The following RBFOX1 variants were observed in gnomAD, a reference collection of about 807,000 sequenced individuals.
RBFOX1 encodes RNA binding protein fox-1 homolog 1.
Under a neutral mutation model 57.7 loss-of-function variants are expected in RBFOX1, and 8 were observed. The observed-to-expected ratio is 0.14, with a 90% CI of 0.08 to 0.25. RBFOX1 has a LOEUF of 0.25. Ranked by LOEUF, RBFOX1 falls within the 10% of genes least tolerant of loss-of-function variation. The probability of loss-of-function intolerance (pLI) is 1.00; values close to 1 mark genes in which losing one functional copy is unlikely to be tolerated. For synonymous variants in RBFOX1, 326 were observed against 222.4 expected, an observed-to-expected ratio of 1.47 and a Z score of -4.15; for missense variants, 611 against 548.5, an observed-to-expected ratio of 1.11 and a Z score of -1.14.
intron 3 of RBFOX1, among the ~76,000 whole-genome samples, chr16:6,681,640 A>G (rs1441052877): frequency 1.3e-5 from 2 of 149,302 alleles, no homozygotes; most frequent in South Asian, 2.2e-4. Context: ...TATAATCACA[A>G]TTGCCCCCCT....
At chr16:6,170,314 G>C (rs1336649539) in intron 1 of RBFOX1, among the ~76,000 whole-genome samples, 5 of 152,058 alleles carry the variant, frequency 3.3e-5, no homozygotes, top group South Asian at 2.1e-4. Flanking sequence ...TAAGTCCTAC[G>C]AGACCCTGGT....
intron 1 of RBFOX1, among the ~76,000 whole-genome samples, chr16:6,127,432 C>G (rs967311678): frequency 1.3e-5 from 2 of 152,008 alleles, no homozygotes; most frequent in East Asian, 1.9e-4. Flanking sequence ...CATTATATGC[C>G]AAGCCCTGAC....
At chr16:7,082,221 T>C (rs1206247209) in intron 4 of RBFOX1, among the ~76,000 whole-genome samples, 1 of 152,174 alleles carries the variant, frequency 6.6e-6, no homozygotes, top group Non-Finnish European at 1.5e-5. Flanking sequence ...AGGATGAATC[T>C]ACCTTCTCAG....
chr16:6,815,292 T>G (rs1235731004), intron 3 of RBFOX1, among the ~76,000 whole-genome samples: 1 of 152,136 alleles, frequency 6.6e-6, no homozygotes, highest in Admixed American at 6.5e-5. Flanking sequence ...TGCCACTTGC[T>G]ATTTTATTTT....
chr16:7,120,264 A>G (rs982824047), intron 4 of RBFOX1, among the ~76,000 whole-genome samples: 1 of 149,226 alleles, frequency 6.7e-6, no homozygotes, highest in Non-Finnish European at 1.5e-5. Flanking sequence ...ATGTAAGTGC[A>G]TATCATAAGA....
intron 1 of RBFOX1, among the ~76,000 whole-genome samples, chr16:5,303,277 A>T (rs1275467511): frequency 1.3e-5 from 2 of 152,146 alleles, no homozygotes; most frequent in Non-Finnish European, 2.9e-5. Flanking sequence ...TATTATCCCT[A>T]TTCTCCCTGG....
intron 3 of RBFOX1, among the ~76,000 whole-genome samples, chr16:6,668,083 TTA>T (rs2098743552): frequency 6.6e-6 from 1 of 152,160 alleles, no homozygotes; most frequent in Non-Finnish European, 1.5e-5. Flanking sequence ...AAACCCTCAA[TTA>T]CCTGTCTAGA....
At chr16:5,543,765 A>G (rs1267459698) in intron 2 of RBFOX1, among the ~76,000 whole-genome samples, 1 of 152,172 alleles carries the variant, frequency 6.6e-6, no homozygotes, top group African/African-American at 2.4e-5. Context: ...AGTGATATAA[A>G]AACTTAAAAG....
intron 2 of RBFOX1, among the ~76,000 whole-genome samples, chr16:6,431,882 ATGCTTGCTTGCT>A (rs530288649): frequency 1.5e-4 from 19 of 126,556 alleles, no homozygotes; most frequent in East Asian, 5.1e-4. Context: ...GTCCAGAAAT[ATGCTTGCTTGCT>A]TGCTTTCTTT....
At chr16:7,162,267 C>G (rs1011714050) in intron 4 of RBFOX1, among the ~76,000 whole-genome samples, 1 of 152,222 alleles carries the variant, frequency 6.6e-6, no homozygotes, top group East Asian at 1.9e-4. Flanking sequence ...CTTATATTTC[C>G]TCTCTCTCCA....
At position 7,567,946 on chromosome 16, in the gene RBFOX1, TA is replaced by T. The variant is rs2092299160; in HGVS notation, c.271-11830del. On this transcript the variant is annotated intron_variant, in intron 5 of 15. Transcript: ENST00000550418. Reference sequence around the variant, plus strand: ...ATGGATACCTAAAATTAAAGCTGGATATTTTTTACAGTATTGCCCAAGAAAA... The same window carrying T: ...ATGGATACCTAAAATTAAAGCTGGATTTTTTTACAGTATTGCCCAAGAAAA... 4.6e-5 allele frequency among the ~76,000 whole-genome samples: 7 copies of T among 151,540 alleles called. No homozygotes were observed. In the South Asian group the frequency reaches 1.5e-3, roughly 32 times the overall value.
intron 1 of RBFOX1, among the ~76,000 whole-genome samples, chr16:6,263,543 T>C (rs1445990519): frequency 2.6e-5 from 4 of 152,154 alleles, no homozygotes; most frequent in Non-Finnish European, 5.9e-5. Context: ...CCAATCTGTC[T>C]TCCATTCTGA....
At chr16:6,518,544 C>T (rs1015397747) in intron 2 of RBFOX1, among the ~76,000 whole-genome samples, 1 of 151,860 alleles carries the variant, frequency 6.6e-6, no homozygotes, top group African/African-American at 2.4e-5. Flanking sequence ...AGTTCAAAAT[C>T]ATGCTCTGGC....
At chr16:5,955,367 AAAAT>A (rs2059614494) in intron 4 of RBFOX1, among the ~76,000 whole-genome samples, 4 of 42,528 alleles carry the variant, frequency 9.4e-5, no homozygotes, top group South Asian at 6.4e-4. Context: ...AAAATAAAAT[AAAAT>A]AAAATAAAAT....
At chr16:6,365,836 T>C (rs1413784286) in intron 2 of RBFOX1, among the ~76,000 whole-genome samples, 1 of 152,194 alleles carries the variant, frequency 6.6e-6, no homozygotes, top group African/African-American at 2.4e-5. Context: ...TTGAGAGAAT[T>C]AAAAGATATC....
chr16:6,744,599 A>C (rs1042274105), intron 3 of RBFOX1, among the ~76,000 whole-genome samples: 12 of 152,098 alleles, frequency 7.9e-5, no homozygotes, highest in African/African-American at 2.9e-4. Context: ...TAACCTGTGG[A>C]TCGAAGAGAA....
intron 1 of RBFOX1, among the ~76,000 whole-genome samples, chr16:5,361,254 AAGG>A (rs1473967131): frequency 6.6e-6 from 1 of 151,968 alleles, no homozygotes; most frequent in Non-Finnish European, 1.5e-5. Flanking sequence ...AACAAGGTGA[AAGG>A]AGGAGCTGTA....
chr16:5,916,672 T>C (rs1389891360), intron 4 of RBFOX1, among the ~76,000 whole-genome samples: 1 of 152,108 alleles, frequency 6.6e-6, no homozygotes, highest in African/African-American at 2.4e-5. Context: ...TTTTTCCTTG[T>C]GGTAAGCCCC....
intron 1 of RBFOX1, among the ~76,000 whole-genome samples, chr16:5,287,943 A>G (rs1221297720): frequency 6.6e-6 from 1 of 152,202 alleles, no homozygotes; most frequent in Non-Finnish European, 1.5e-5. Flanking sequence ...CATCAATGCA[A>G]TTCAATAAGT....
Sources: allele counts gnomAD v4.1 joint callset (sites outside exome capture counted in the v4.1 genomes callset), GRCh38; gene constraint gnomAD v4.1.1; transcripts MANE v1.5; gene names NCBI Gene and HGNC (gene_info 2026-07-23, HGNC 2026-07-21).